The following CLASP1 variants were observed in gnomAD, a reference collection of about 807,000 sequenced individuals.
CLASP1 encodes the protein cytoplasmic linker associated protein 1.
CLASP1 carries 38 observed loss-of-function variants against 192.3 expected under a neutral mutation model. The observed-to-expected ratio is 0.20, with a 90% CI of 0.15 to 0.26. The LOEUF (loss-of-function observed/expected upper bound fraction) is 0.26, where lower values mean the gene tolerates loss of function less well. Among genes scored for constraint, CLASP1 ranks in the 10% least tolerant of loss-of-function variants. CLASP1 has a pLI of 1.00. For missense variants in CLASP1, 1,433 were observed against 1,932.5 expected (o/e 0.74, Z 4.85); for synonymous variants, 691 against 712.8 (o/e 0.97, Z 0.49).
At chr2:121,505,511 C>CCAA (rs146970368) in intron 7 of CLASP1, among the ~76,000 whole-genome samples, 5,865 of 152,256 alleles carry the variant, frequency 0.039, 155 homozygotes, top group East Asian at 0.14. Flanking sequence ...CAGTCTAACA[C>CCAA]CAACAAAGCA....
chr2:121,589,550 A>C (rs1339291350), intron 2 of CLASP1, among the ~76,000 whole-genome samples: 1 of 151,892 alleles, frequency 6.6e-6, no homozygotes, highest in Non-Finnish European at 1.5e-5. Context: ...GAATTGCTTG[A>C]ACCTAGGAGG....
At chr2:121,514,500 G>T (rs562806676) in intron 7 of CLASP1, among the ~76,000 whole-genome samples, 2 of 147,864 alleles carry the variant, frequency 1.4e-5, no homozygotes, top group African/African-American at 5.0e-5. Context: ...CAAAACACAG[G>T]AACTTAAAAA....
intron 1 of CLASP1, among the ~76,000 whole-genome samples, chr2:121,625,340 T>A (rs908275698): frequency 4.6e-5 from 7 of 151,496 alleles, no homozygotes; most frequent in Admixed American, 4.6e-4. Context: ...TAGTAACACA[T>A]GAAGAGTTGG....
intron 2 of CLASP1, among the ~76,000 whole-genome samples, chr2:121,598,642 A>C (rs974190971): frequency 6.6e-6 from 1 of 152,194 alleles, no homozygotes; most frequent in Non-Finnish European, 1.5e-5. Flanking sequence ...ATTATTTCTA[A>C]GCCTCAGTTA....
At chr2:121,425,272 C>T in exon 22 of CLASP1, 1 of 1,612,474 alleles carries the variant, frequency 6.2e-7, no homozygotes, top group Non-Finnish European at 8.5e-7. Context: ...AACCACTTCC[C>T]AACAATTTTC....
chr2:121,552,054 T>G (rs2058093515), intron 2 of CLASP1, among the ~76,000 whole-genome samples: 2 of 152,182 alleles, frequency 1.3e-5, no homozygotes, highest in Admixed American at 6.5e-5. Context: ...TATGACCATC[T>G]GATCTTCAAC....
chr2:121,361,849 T>C (rs2066469908), intron 37 of CLASP1, among the ~76,000 whole-genome samples: 1 of 152,224 alleles, frequency 6.6e-6, no homozygotes. Context: ...CCAAGCCAGA[T>C]TTTGGAAACC....
chr2:121,356,205 C>T (rs528251466), intron 37 of CLASP1, among the ~76,000 whole-genome samples: 3 of 152,078 alleles, frequency 2.0e-5, no homozygotes, highest in Admixed American at 2.0e-4. Context: ...TTCATAGCAG[C>T]GTCTTGAGCT....
chr2:121,360,448 A>G (rs1243853097), intron 37 of CLASP1, among the ~76,000 whole-genome samples: 1 of 152,224 alleles, frequency 6.6e-6, no homozygotes, highest in Non-Finnish European at 1.5e-5. Context: ...TGGAAGGACT[A>G]GAGAACTATT....
chr2:121,374,533 T>C (rs1422907508), intron 34 of CLASP1, among the ~76,000 whole-genome samples: 1 of 152,196 alleles, frequency 6.6e-6, no homozygotes, highest in African/African-American at 2.4e-5. Context: ...CACCAACAGC[T>C]TGCACTGTGT....
chr2:121,478,782 C>CA (rs1257394899), intron 8 of CLASP1, among the ~76,000 whole-genome samples: 31 of 62,866 alleles, frequency 4.9e-4, no homozygotes, highest in African/African-American at 2.3e-3. Flanking sequence ...CACACACACA[C>CA]CCCACACACA....
intron 8 of CLASP1, among the ~76,000 whole-genome samples, chr2:121,491,129 T>C (rs2030820772): frequency 6.6e-6 from 1 of 152,236 alleles, no homozygotes; most frequent in African/African-American, 2.4e-5. Flanking sequence ...ATACCTGTAA[T>C]ATTTTTCAAG....
chr2:121,420,729 G>A (rs2079345585), intron 22 of CLASP1, among the ~76,000 whole-genome samples: 2 of 152,160 alleles, frequency 1.3e-5, no homozygotes. Flanking sequence ...GTTTAAACAA[G>A]TTCATGCTTA....
chr2:121,526,050 T>C, intron 5 of CLASP1, 130 bp from the exon 6 acceptor site: 1 of 673,654 alleles, frequency 1.5e-6, no homozygotes, highest in South Asian at 1.7e-5. Context: ...TCTCTCTCCA[T>C]CCCATCCACA....
chr2:121,432,290 T>C (rs2149662695), intron 19 of CLASP1, among the ~76,000 whole-genome samples: 1 of 152,224 alleles, frequency 6.6e-6, no homozygotes, highest in Non-Finnish European at 1.5e-5. Flanking sequence ...GGCTAATTTT[T>C]GTATTTTTAG....
At chr2:121,476,019 T>C (rs1042142961) in intron 8 of CLASP1, among the ~76,000 whole-genome samples, 1 of 152,204 alleles carries the variant, frequency 6.6e-6, no homozygotes, top group Non-Finnish European at 1.5e-5. Context: ...AGAGTGATAC[T>C]ATAATTTTCA....
intron 7 of CLASP1, chr2:121,505,108 T>C (rs2093902195): frequency 6.6e-6 from 1 of 152,208 alleles, no homozygotes; most frequent in South Asian, 2.1e-4. Flanking sequence ...CACTACTTGA[T>C]TGTGTCACAA....
chr2:121,425,504 TAGA>T (rs1302197810), intron 21 of CLASP1, among the ~76,000 whole-genome samples, 198 bp from the exon 22 acceptor site: 1 of 152,190 alleles, frequency 6.6e-6, no homozygotes, highest in Non-Finnish European at 1.5e-5. Flanking sequence ...AGAATATACT[TAGA>T]AGAATTACTG....
Position 121,473,718 on chromosome 2 carries a change from G to GAC in CLASP1, c.713-3759_713-3758insGT, listed in dbSNP as rs2091166210. Among the ~76,000 whole-genome samples, 21 of 152,274 alleles carry GAC rather than the reference G, an allele frequency of 1.4e-4. 1 individual carries two copies. The South Asian group carries it at 3.9e-3, about 29-fold the overall frequency. On this transcript the variant is annotated intron_variant, in intron 8 of 39. Coordinates refer to ENST00000263710, the Ensembl canonical transcript of CLASP1. ...TAAACCCAGACAAGAGCAGCCAGGG[G>GAC]AAGAGACATAGCACACAGAAGAACA...
Sources: gnomAD v4.1 joint callset for allele counts (sites outside exome capture counted in the v4.1 genomes callset) on GRCh38, gnomAD v4.1.1 for gene constraint, MANE v1.5 for transcripts, NCBI Gene and HGNC (gene_info 2026-07-23, HGNC 2026-07-21) for gene names.